Variants in DMD observed in about 807,000 individuals in gnomAD.
DMD encodes the protein dystrophin.
In DMD, 63 loss-of-function variants were observed where a neutral mutation model predicts 330.1. The observed-to-expected ratio is 0.19, with a 90% CI of 0.16 to 0.24. The LOEUF (loss-of-function observed/expected upper bound fraction) is 0.24, where lower values mean the gene tolerates loss of function less well. DMD is among the 10% of genes least tolerant of loss of function. The probability of loss-of-function intolerance (pLI) is 1.00; values close to 1 mark genes in which losing one functional copy is unlikely to be tolerated. For missense variants in DMD, 3,344 were observed against 2,684.1 expected (o/e 1.25, Z -5.43); for synonymous variants, 1,223 against 959.8 (o/e 1.27, Z -5.07).
intron 19 of DMD, among the ~76,000 whole-genome samples, chrX:32,495,590 A>T (rs2043413654): frequency 4.5e-5 from 5 of 112,137 alleles, no homozygotes. Flanking sequence ...TTATGAATTA[A>T]TTGACCATCT....
intron 55 of DMD, among the ~76,000 whole-genome samples, chrX:31,582,999 A>G (rs1303919943): frequency 8.9e-6 from 1 of 112,237 alleles, no homozygotes; most frequent in East Asian, 2.8e-4. Context: ...AGGGGATTTC[A>G]GTTTGGGACA....
intron 13 of DMD, among the ~76,000 whole-genome samples, chrX:32,585,468 G>C (rs1376245520): frequency 3.6e-5 from 4 of 110,079 alleles, no homozygotes; most frequent in Non-Finnish European, 5.7e-5. Flanking sequence ...TTGGGAGGCC[G>C]AGGCTGGCGG....
chrX:33,052,405 C>T (rs1485160854), intron 1 of DMD, among the ~76,000 whole-genome samples: 3 of 111,905 alleles, frequency 2.7e-5, no homozygotes, highest in African/African-American at 9.7e-5. Flanking sequence ...TGATGCCAAG[C>T]TCAGTGTTTC....
Position 32,910,017 on chromosome X carries a change from T to C in DMD, c.94-60197A>G, listed in dbSNP as rs138789212. On this transcript the variant is annotated intron_variant, in intron 2 of 78. Transcript: ENST00000357033. ...TTCCTTTGCACAAAGACAAAATACA[T>C]AGACAGGACACATTGATCAGAAAAC... Among the ~76,000 whole-genome samples, 704 of 111,572 alleles carry C rather than the reference T, an allele frequency of 6.3e-3. 7 individuals are homozygous for C. The highest frequency in any genetic ancestry group is 0.022 in the African/African-American group (679 of 30,650).
At chrX:32,267,591 C>T (rs1195631373) in intron 43 of DMD, among the ~76,000 whole-genome samples, 2 of 111,727 alleles carry the variant, frequency 1.8e-5, no homozygotes, top group African/African-American at 6.5e-5. Context: ...AATTCTGTGA[C>T]CAAAGAAAAG....
At chrX:31,298,716 A>G (rs2054394621) in intron 62 of DMD, among the ~76,000 whole-genome samples, 1 of 112,074 alleles carries the variant, frequency 8.9e-6, no homozygotes, top group South Asian at 3.7e-4. Flanking sequence ...AGGAAACCCT[A>G]TTGGTGAGCA....
At chrX:31,557,890 G>A (rs2074945404) in intron 55 of DMD, among the ~76,000 whole-genome samples, 1 of 111,074 alleles carries the variant, frequency 9.0e-6, no homozygotes, top group Non-Finnish European at 1.9e-5. Context: ...GGGCTACGAG[G>A]AGTGGAGTTG....
chrX:32,256,058 T>C (rs2097297289), intron 43 of DMD, among the ~76,000 whole-genome samples: 1 of 111,313 alleles, frequency 9.0e-6, no homozygotes, highest in East Asian at 2.8e-4. Context: ...TCTGTCTCGT[T>C]AATCTAATAT....
chrX:32,923,567 C>A (rs1436714025), intron 2 of DMD, among the ~76,000 whole-genome samples: 6 of 109,048 alleles, frequency 5.5e-5, no homozygotes, highest in African/African-American at 1.0e-4. Flanking sequence ...AAAAAAAAAA[C>A]AAAAACAAAA....
At chrX:32,377,074 A>G (rs758388069) in intron 34 of DMD, among the ~76,000 whole-genome samples, 13 of 111,622 alleles carry the variant, frequency 1.2e-4, no homozygotes, top group African/African-American at 3.9e-4. Context: ...TGATTCTCCA[A>G]TTGGAGCAAT....
intron 44 of DMD, among the ~76,000 whole-genome samples, chrX:32,210,915 GAGC>G (rs1464044793): frequency 3.6e-5 from 4 of 111,607 alleles, no homozygotes; most frequent in African/African-American, 1.3e-4. Context: ...TCAAACTTTT[GAGC>G]AGGAGTCACT....
At chrX:31,248,197 T>G (rs771583732) in intron 63 of DMD, among the ~76,000 whole-genome samples, 1 of 112,452 alleles carries the variant, frequency 8.9e-6, no homozygotes, top group African/African-American at 3.2e-5. Flanking sequence ...CTAGACTACA[T>G]TATAGAGTAA....
At chrX:33,250,985 T>C (rs1193951501) in intron 1 of DMD, among the ~76,000 whole-genome samples, 2 of 111,015 alleles carry the variant, frequency 1.8e-5, no homozygotes, top group Non-Finnish European at 3.8e-5. Context: ...ATTTCCTATA[T>C]ATATTTTCTG....
chrX:32,711,747 C>A (rs1184387103), intron 7 of DMD, among the ~76,000 whole-genome samples: 2 of 111,767 alleles, frequency 1.8e-5, no homozygotes. Flanking sequence ...GATGCTATGT[C>A]ATCCATACAT....
intron 2 of DMD, among the ~76,000 whole-genome samples, chrX:33,007,593 T>C (rs891638589): frequency 9.0e-6 from 1 of 111,504 alleles, no homozygotes; most frequent in Non-Finnish European, 1.9e-5. Context: ...CAAACAAATA[T>C]AGAGAACGTC....
chrX:32,550,890 C>G (rs901130058), intron 16 of DMD, among the ~76,000 whole-genome samples: 1 of 110,811 alleles, frequency 9.0e-6, no homozygotes, highest in African/African-American at 3.3e-5. Flanking sequence ...AACCTAGAAG[C>G]AATGGATAAA....
At chrX:31,926,881 T>C (rs1209348642) in intron 47 of DMD, among the ~76,000 whole-genome samples, 2 of 110,717 alleles carry the variant, frequency 1.8e-5, no homozygotes, top group African/African-American at 6.6e-5. Flanking sequence ...GTTCCAATTA[T>C]ATCACCCACT....
intron 7 of DMD, among the ~76,000 whole-genome samples, chrX:32,732,164 G>A (rs776871888): frequency 3.6e-5 from 4 of 111,562 alleles, no homozygotes; most frequent in Non-Finnish European, 5.6e-5. Context: ...GGGTATCAGT[G>A]ATGGAAGATG....
intron 2 of DMD, among the ~76,000 whole-genome samples, chrX:32,960,549 G>A (rs2091841473): frequency 1.8e-5 from 2 of 111,441 alleles, no homozygotes; most frequent in South Asian, 7.5e-4. Flanking sequence ...GTTTCCCAGG[G>A]AACAATCCCA....
Sources: allele counts gnomAD v4.1 joint callset (sites outside exome capture counted in the v4.1 genomes callset), GRCh38; gene constraint gnomAD v4.1.1; transcripts MANE v1.5; gene names NCBI Gene and HGNC (gene_info 2026-07-23, HGNC 2026-07-21).